The following ADGRL2 variants were observed in gnomAD, a reference collection of about 807,000 sequenced individuals.
ADGRL2 encodes calcium-independent alpha-latrotoxin receptor 2.
In ADGRL2, 44 loss-of-function variants were observed where a neutral mutation model predicts 157.4. The ratio of observed to expected loss-of-function variants is 0.28; its 90% CI spans 0.22 to 0.36. The LOEUF is 0.36. Among genes scored for constraint, ADGRL2 ranks in the 10% least tolerant of loss-of-function variants. The pLI is 1.00. For synonymous variants in ADGRL2, 585 were observed against 624.7 expected (o/e 0.94, Z 0.95); for missense variants, 1,510 against 1,768.9 (o/e 0.85, Z 2.63).
At position 81,734,200 on chromosome 1, in the gene ADGRL2, C is replaced by T. The variant is rs1448861827; in HGVS notation, c.-142-27611C>T. Among the ~76,000 whole-genome samples, 57 of 149,116 alleles carry T rather than the reference C, an allele frequency of 3.8e-4. 1 individual carries two copies. The stretch of plus-strand genomic sequence containing the variant: ...CTGAGGCAGGAGAATCGCTTAAACC[C>T]GGGGAGGTGGAGGTTGCAATGAGCC... On this transcript the variant is annotated intron_variant, in intron 1 of 20. Transcript: ENST00000359929.
intron 2 of ADGRL2, among the ~76,000 whole-genome samples, chr1:81,870,978 C>A (rs557263491): frequency 8.7e-5 from 13 of 149,170 alleles, no homozygotes; most frequent in Middle Eastern, 3.5e-3. Context: ...GGTACATGTG[C>A]ACAATGTGCA....
At chr1:81,908,138 T>TAG (rs1282000794) in intron 3 of ADGRL2, among the ~76,000 whole-genome samples, 2 of 152,218 alleles carry the variant, frequency 1.3e-5, no homozygotes, top group African/African-American at 4.8e-5. Flanking sequence ...CTAGGAGCAA[T>TAG]AGACTGTACC....
chr1:81,502,519 C>G lies in ADGRL2; in HGVS notation c.-248+57430C>G, dbSNP rs1321872685. 5 of 1,613,948 alleles carry G rather than the reference C, an allele frequency of 3.1e-6. No individual in the cohort carries two copies. The African/African-American group carries it at 6.7e-5, about 22-fold the overall frequency. On this transcript the variant is annotated intron_variant, in intron 2 of 24. Coordinates refer to the ADGRL2 transcript ENST00000370721. ...GAATCCCCATCATGGCCAAACAGAT[C>G]CTGGACCTGTACATGCTGTATAAGC...
At chr1:81,479,400 T>A (rs1279094094) in intron 2 of ADGRL2, among the ~76,000 whole-genome samples, 2 of 151,966 alleles carry the variant, frequency 1.3e-5, no homozygotes, top group Non-Finnish European at 2.9e-5. Context: ...GGAGAATCAC[T>A]TGAACCCAGG....
intron 3 of ADGRL2, among the ~76,000 whole-genome samples, chr1:81,596,692 G>A (rs972871383): frequency 6.8e-6 from 1 of 147,132 alleles, no homozygotes; most frequent in African/African-American, 2.5e-5. Flanking sequence ...TTTTTTTTTT[G>A]GACAGTTTTC....
At chr1:81,489,147 G>T (rs899046311) in intron 2 of ADGRL2, among the ~76,000 whole-genome samples, 4 of 152,004 alleles carry the variant, frequency 2.6e-5, no homozygotes, top group Admixed American at 2.6e-4. Context: ...TGAGGCAGGA[G>T]AATCACTTGA....
intron 2 of ADGRL2, among the ~76,000 whole-genome samples, chr1:81,564,715 G>T (rs1487790283): frequency 6.6e-6 from 1 of 152,180 alleles, no homozygotes; most frequent in Non-Finnish European, 1.5e-5. Context: ...TGCTGAAGGG[G>T]AGGGAATTAT....
chr1:81,513,397 A>G (rs1024119840), intron 2 of ADGRL2, among the ~76,000 whole-genome samples: 2 of 152,166 alleles, frequency 1.3e-5, no homozygotes. Flanking sequence ...ACCAAAATAT[A>G]TGAAATGTAG....
rs189831611 is a variant in ADGRL2 at position 81,716,421 on chromosome 1, C to T, written c.-143+16613C>T. The stretch of plus-strand genomic sequence containing the variant: ...CCCAAAGCATCTAGTACAGGGCCTG[C>T]ACGAGTTTGTGTTCTTTCATTGAGT... On this transcript the variant is annotated intron_variant, in intron 1 of 20. Coordinates refer to the ADGRL2 transcript ENST00000359929. Among the ~76,000 whole-genome samples, 829 of 152,286 alleles carry T rather than the reference C, an allele frequency of 5.4e-3. 25 individuals are homozygous for T. The highest frequency in any genetic ancestry group is 0.051 in the Admixed American group (784 of 15,284).
intron 3 of ADGRL2, among the ~76,000 whole-genome samples, chr1:81,908,759 GTGTGTAT>G (rs994674511): frequency 1.3e-5 from 2 of 152,126 alleles, no homozygotes; most frequent in African/African-American, 4.8e-5. Context: ...ATTCTATTAA[GTGTGTAT>G]TGCTGTCTTA....
At chr1:81,629,669 G>A (rs745829206) in intron 3 of ADGRL2, among the ~76,000 whole-genome samples, 6 of 38,422 alleles carry the variant, frequency 1.6e-4, no homozygotes, top group African/African-American at 2.0e-4. Context: ...GAATGTATAT[G>A]TGTGTGTGTG....
At chr1:81,532,624 C>A (rs2079629103) in intron 2 of ADGRL2, among the ~76,000 whole-genome samples, 1 of 148,164 alleles carries the variant, frequency 6.7e-6, no homozygotes, top group African/African-American at 2.5e-5. Flanking sequence ...GCCATGAACA[C>A]CAATGAATAG....
intron 1 of ADGRL2, among the ~76,000 whole-genome samples, chr1:81,375,659 A>G (rs1427482290): frequency 1.3e-5 from 2 of 152,322 alleles, no homozygotes; most frequent in South Asian, 2.1e-4. Flanking sequence ...CTGCAAGAAT[A>G]TCAGTACTTG....
chr1:81,952,171 T>G, intron 9 of ADGRL2, 29 bp downstream of exon 9: 1 of 1,548,514 alleles, frequency 6.5e-7, no homozygotes, highest in Non-Finnish European at 8.8e-7. Flanking sequence ...TTATTTTGAA[T>G]TAGACACTTG....
intron 1 of ADGRL2, among the ~76,000 whole-genome samples, chr1:81,816,911 C>T (rs2090456437): frequency 2.7e-5 from 4 of 149,926 alleles, no homozygotes; most frequent in Middle Eastern, 3.5e-3. Flanking sequence ...CATTTTCTTC[C>T]TTTATTTTGT....
chr1:81,306,844 A>G (rs938349187), intron 1 of ADGRL2, among the ~76,000 whole-genome samples: 5 of 151,456 alleles, frequency 3.3e-5, no homozygotes, highest in African/African-American at 1.2e-4. Flanking sequence ...ATGCTGGCCA[A>G]TAATAGCCAA....
intron 1 of ADGRL2, among the ~76,000 whole-genome samples, chr1:81,737,899 C>A (rs1268144101): frequency 6.6e-6 from 1 of 152,116 alleles, no homozygotes; most frequent in Non-Finnish European, 1.5e-5. Flanking sequence ...TACAAGACAG[C>A]CAAGATACAC....
chr1:81,570,533 C>T (rs975296639), intron 2 of ADGRL2, among the ~76,000 whole-genome samples: 3 of 152,020 alleles, frequency 2.0e-5, no homozygotes, highest in Non-Finnish European at 2.9e-5. Context: ...GGGCTACAGG[C>T]GTGTGCCACC....
At chr1:81,873,132 G>T (rs1002591096) in intron 2 of ADGRL2, among the ~76,000 whole-genome samples, 1 of 152,048 alleles carries the variant, frequency 6.6e-6, no homozygotes, top group African/African-American at 2.4e-5. Flanking sequence ...TTCCAAGATG[G>T]TATAGACCAC....
Sources: gnomAD v4.1 joint callset for allele counts (sites outside exome capture counted in the v4.1 genomes callset) on GRCh38, gnomAD v4.1.1 for gene constraint, MANE v1.5 for transcripts, NCBI Gene and HGNC (gene_info 2026-07-23, HGNC 2026-07-21) for gene names.